The following MYPN variants were observed in gnomAD, a reference collection of about 807,000 sequenced individuals.
MYPN encodes myopalladin.
A neutral mutation model predicts 129.4 loss-of-function variants in MYPN; 63 were observed. That is an observed-to-expected ratio of 0.49 (90% CI 0.40 to 0.60). The LOEUF (loss-of-function observed/expected upper bound fraction) is 0.60, where lower values mean the gene tolerates loss of function less well. Ranked by LOEUF, MYPN falls within the 20% of genes least tolerant of loss-of-function variation. MYPN has a pLI of 0.00. For missense variants in MYPN, 1,596 were observed against 1,635.4 expected, an observed-to-expected ratio of 0.98 and a Z score of 0.42; for synonymous variants, 629 against 600.9, an observed-to-expected ratio of 1.05 and a Z score of -0.68.
upstream of MYPN, chr10:68,106,815 T>G (rs1564639261): frequency 1.4e-6 from 1 of 717,066 alleles, no homozygotes; most frequent in African/African-American, 1.7e-5. Flanking sequence ...AGTAAATTGT[T>G]TCTGTGGCTG....
chr10:68,149,055 A>G (rs1279647846), intron 5 of MYPN, among the ~76,000 whole-genome samples: 1 of 152,020 alleles, frequency 6.6e-6, no homozygotes, highest in Non-Finnish European at 1.5e-5. Flanking sequence ...GCGAGACCCT[A>G]TCTCTACAAA....
Position 68,126,975 on chromosome 10 carries a change from A to G in MYPN, c.902+4635A>G, listed in dbSNP as rs114619267. On this transcript the variant is annotated intron_variant, in intron 2 of 19. Coordinates refer to ENST00000358913, the MANE Select transcript of MYPN (RefSeq NM_032578.4). Reference sequence around the variant, plus strand: ...CTTGGAGCCATCTCCTAGTTGGTTCAGTCCAGTGCTAGAGTGGAGTAGTGA... The same window carrying G: ...CTTGGAGCCATCTCCTAGTTGGTTCGGTCCAGTGCTAGAGTGGAGTAGTGA... Among the ~76,000 whole-genome samples, 306 of 152,300 alleles carry G rather than the reference A, an allele frequency of 2.0e-3. 4 individuals are homozygous for G. The highest frequency in any genetic ancestry group is 6.9e-3 in the African/African-American group (286 of 41,576).
intron 1 of MYPN, among the ~76,000 whole-genome samples, chr10:68,119,168 G>T (rs1432789212): frequency 2.0e-5 from 3 of 152,008 alleles, no homozygotes; most frequent in African/African-American, 4.8e-5. Flanking sequence ...AAATGAGAAA[G>T]ATTTTCAATT....
chr10:68,146,010 C>T (rs76050324), intron 4 of MYPN, among the ~76,000 whole-genome samples: 112 of 152,236 alleles, frequency 7.4e-4, no homozygotes, highest in African/African-American at 2.3e-3. Context: ...GTCCAAACTA[C>T]GACCAGTTAT....
intron 7 of MYPN, among the ~76,000 whole-genome samples, chr10:68,158,932 A>T (rs1324366388): frequency 6.7e-6 from 1 of 149,266 alleles, no homozygotes; most frequent in Non-Finnish European, 1.5e-5. Flanking sequence ...ATGGAATCTC[A>T]CTCTGTCACC....
chr10:68,122,691 C>T (rs992154514), intron 2 of MYPN, among the ~76,000 whole-genome samples: 10 of 151,954 alleles, frequency 6.6e-5, no homozygotes, highest in African/African-American at 2.2e-4. Context: ...CACCTGAGGT[C>T]GGGAGCTCGA....
intron 10 of MYPN, among the ~76,000 whole-genome samples, chr10:68,169,181 T>TAAAAAAAAAAAAAAA (rs59317396): frequency 6.6e-5 from 6 of 91,072 alleles, no homozygotes; most frequent in African/African-American, 3.4e-4. Context: ...CCGTCTCTAC[T>TAAAAAAAAAAAAAAA]AAAAAAAAAA....
intron 12 of MYPN, among the ~76,000 whole-genome samples, chr10:68,178,946 G>A (rs12251605): frequency 0.013 from 1,976 of 149,634 alleles, 50 homozygotes; most frequent in African/African-American, 0.046. Flanking sequence ...TTCCCATCTC[G>A]TTATTTGGTC....
At chr10:68,160,500 A>C (rs2042959061) in intron 7 of MYPN, among the ~76,000 whole-genome samples, 2 of 151,936 alleles carry the variant, frequency 1.3e-5, no homozygotes, top group African/African-American at 4.8e-5. Context: ...CCAGTGTAGA[A>C]GATTAAAACT....
chr10:68,107,652 G>T (rs183940266), upstream of MYPN, among the ~76,000 whole-genome samples: 5 of 152,024 alleles, frequency 3.3e-5, no homozygotes, highest in Middle Eastern at 6.9e-3. Context: ...CGCCCGGCCG[G>T]CTTCTTTTTT....
intron 2 of MYPN, among the ~76,000 whole-genome samples, chr10:68,123,431 C>A (rs373982981): frequency 2.0e-5 from 3 of 150,298 alleles, no homozygotes; most frequent in Admixed American, 6.7e-5. Context: ...AATCCCAGCA[C>A]TTTGGGAGGC....
chr10:68,195,537 A>AGAC lies in MYPN; in HGVS notation c.3158+6_3158+8dup. On this transcript the variant is annotated splice_donor_region_variant and intron_variant, in intron 15 of 19. Transcript: ENST00000358913. Reference sequence around the variant, plus strand: ...CTCTGCTGGTCAGTCTCACAGGTAAAGACAGTAAGAATTCCCCCTCTCTAG... The same window carrying AGAC: ...CTCTGCTGGTCAGTCTCACAGGTAAAGACGACAGTAAGAATTCCCCCTCTCTAG... The AGAC allele has an allele frequency of 6.2e-7, 1 of 1,613,242 alleles. No homozygotes were observed. Among genetic ancestry groups the AGAC allele is most frequent in the Non-Finnish European group, 8.5e-7 (1 of 1,179,258 alleles).
chr10:68,196,666 G>A (rs1216809122), intron 15 of MYPN, among the ~76,000 whole-genome samples: 1 of 151,420 alleles, frequency 6.6e-6, no homozygotes, highest in Non-Finnish European at 1.5e-5. Context: ...GTATTTTTTT[G>A]TAAAGACGGG....
chr10:68,142,550 C>T (rs570151954), intron 2 of MYPN, among the ~76,000 whole-genome samples: 6 of 152,262 alleles, frequency 3.9e-5, no homozygotes, highest in Admixed American at 6.5e-5. Flanking sequence ...CTCAACTGTA[C>T]GAACCTGTAT....
In MYPN at chr10:68,168,667, G is replaced by A. The variant is rs191492884; in HGVS notation, c.1973+2001G>A. Among the ~76,000 whole-genome samples, 18 of 152,294 alleles carry A rather than the reference G, an allele frequency of 1.2e-4. No individual in the cohort carries two copies. The East Asian group carries it at 2.5e-3, about 21-fold the overall frequency. ...CAGGGACTTACCAGTCATAGGTGGG[G>A]CTGGGGATTCTATGGCTGGCAATTG... On this transcript the variant is annotated intron_variant, in intron 10 of 19. Transcript: ENST00000358913.
In MYPN at chr10:68,121,842, C is replaced by T. The variant is rs141983653; in HGVS notation, c.404C>T (p.Ala135Val). 1 of 1,614,046 alleles carries T rather than the reference C, an allele frequency of 6.2e-7. No individual in the cohort carries two copies. The highest frequency in any genetic ancestry group is 8.5e-7 in the Non-Finnish European group (1 of 1,179,984). ...AGCTCTAAAGAAAGCCCCCAGGAGG[C>T]AAAAAGGCCACAGTATTGTTCTGAA... ...PTSSKESPQE[A>V]KRPQYCSETQ... Residue 135 changes from alanine to valine, a missense_variant, in exon 2 of 20, where the codon GCA becomes GTA. Physicochemically the swap from Ala to Val is moderately conservative, Grantham distance 64. Coordinates refer to ENST00000358913, the MANE Select transcript of MYPN (RefSeq NM_032578.4).
chr10:68,138,264 A>G (rs1315829357), intron 2 of MYPN, among the ~76,000 whole-genome samples: 1 of 151,400 alleles, frequency 6.6e-6, no homozygotes, highest in Non-Finnish European at 1.5e-5. Flanking sequence ...CACCATGCCC[A>G]CTAATTTTTG....
intron 1 of MYPN, among the ~76,000 whole-genome samples, chr10:68,111,394 A>T (rs1177888611): frequency 1.3e-5 from 2 of 151,624 alleles, no homozygotes; most frequent in African/African-American, 4.8e-5. Context: ...AGAACAATTA[A>T]TTTTTTTTTC....
intron 10 of MYPN, among the ~76,000 whole-genome samples, chr10:68,167,267 CT>C (rs1236263284): frequency 1.3e-5 from 2 of 152,258 alleles, no homozygotes; most frequent in South Asian, 2.1e-4. Context: ...CTCATAAAGA[CT>C]TTTTTTGTGT....
Sources: gnomAD v4.1 joint callset for allele counts (sites outside exome capture counted in the v4.1 genomes callset) on GRCh38, gnomAD v4.1.1 for gene constraint, MANE v1.5 for transcripts, NCBI Gene and HGNC (gene_info 2026-07-23, HGNC 2026-07-21) for gene names.